GULP1: variants seen among roughly 807,000 people sequenced by gnomAD.
GULP1 encodes PTB domain-containing engulfment adapter protein 1.
In GULP1, 19 loss-of-function variants were observed where a neutral mutation model predicts 40.9. The ratio of observed to expected loss-of-function variants is 0.46; its 90% CI spans 0.32 to 0.68. The LOEUF (loss-of-function observed/expected upper bound fraction) is 0.68, where lower values mean the gene tolerates loss of function less well. Among genes scored for constraint, GULP1 ranks in the 30% least tolerant of loss-of-function variants. The pLI, the probability that GULP1 is intolerant of heterozygous loss-of-function variation, is 0.03. For missense variants in GULP1, 312 were observed against 362.2 expected (o/e 0.86, Z 1.12); for synonymous variants, 119 against 117.6 (o/e 1.01, Z -0.08).
chr2:188,334,341 G>A (rs1419313601), intron 1 of GULP1, among the ~76,000 whole-genome samples: 2 of 152,140 alleles, frequency 1.3e-5, no homozygotes, highest in Non-Finnish European at 2.9e-5. Flanking sequence ...TTTTACAAAG[G>A]AGGAAATGGA....
intron 2 of GULP1, among the ~76,000 whole-genome samples, chr2:188,441,939 G>A (rs13401321): frequency 0.022 from 3,425 of 152,272 alleles, 138 homozygotes; most frequent in African/African-American, 0.078. Context: ...TTGCGTTGAT[G>A]TGTTGACAGT....
chr2:188,413,701 A>G (rs1320663465), intron 2 of GULP1, among the ~76,000 whole-genome samples: 1 of 152,120 alleles, frequency 6.6e-6, no homozygotes, highest in East Asian at 1.9e-4. Flanking sequence ...CTTTCCTATC[A>G]TAATGTCAGC....
intron 2 of GULP1, among the ~76,000 whole-genome samples, chr2:188,407,655 G>A (rs2053304080): frequency 1.3e-5 from 2 of 151,886 alleles, no homozygotes; most frequent in South Asian, 2.1e-4. Flanking sequence ...GCACAAATAA[G>A]AAAAAGTAGG....
At chr2:188,338,543 A>G (rs982725995) in intron 1 of GULP1, among the ~76,000 whole-genome samples, 1 of 152,050 alleles carries the variant, frequency 6.6e-6, no homozygotes, top group African/African-American at 2.4e-5. Context: ...AGGCTCAAGC[A>G]ACCCTCCCAC....
At chr2:188,513,340 T>C (rs2064802527) in intron 4 of GULP1, among the ~76,000 whole-genome samples, 1 of 152,152 alleles carries the variant, frequency 6.6e-6, no homozygotes, top group Non-Finnish European at 1.5e-5. Context: ...ATATCATTCT[T>C]ATCTGTCCAT....
At chr2:188,353,573 G>A (rs1033677168) in intron 1 of GULP1, among the ~76,000 whole-genome samples, 3 of 151,946 alleles carry the variant, frequency 2.0e-5, no homozygotes, top group Non-Finnish European at 1.5e-5. Context: ...AGGTAGCACC[G>A]TACATCCCAG....
chr2:188,367,789 C>T (rs753357784), intron 1 of GULP1, among the ~76,000 whole-genome samples: 1 of 152,052 alleles, frequency 6.6e-6, no homozygotes. Flanking sequence ...TCATCACTGT[C>T]CTGCAACCTG....
chr2:188,574,708 A>T (rs1256132423), intron 9 of GULP1, among the ~76,000 whole-genome samples: 3 of 152,166 alleles, frequency 2.0e-5, no homozygotes, highest in Non-Finnish European at 4.4e-5. Context: ...AAAAAATGAC[A>T]AGCCATCTTC....
chr2:188,311,698 G>A (rs2038140516), intron 1 of GULP1, among the ~76,000 whole-genome samples: 2 of 127,204 alleles, frequency 1.6e-5, no homozygotes, highest in Non-Finnish European at 3.2e-5. Flanking sequence ...TTTATGATAA[G>A]CATTATAAAA....
At chr2:188,352,919 A>G (rs1345746167) in intron 1 of GULP1, among the ~76,000 whole-genome samples, 1 of 152,114 alleles carries the variant, frequency 6.6e-6, no homozygotes, top group Non-Finnish European at 1.5e-5. Flanking sequence ...TGAAGCACTT[A>G]AACATATTTA....
At chr2:188,503,030 C>T (rs1419901328) in intron 4 of GULP1, among the ~76,000 whole-genome samples, 1 of 151,868 alleles carries the variant, frequency 6.6e-6, no homozygotes, top group African/African-American at 2.4e-5. Flanking sequence ...AGTCATAAAT[C>T]CATGACCTAA....
intron 2 of GULP1, among the ~76,000 whole-genome samples, chr2:188,395,955 A>G (rs1371334422): frequency 2.0e-5 from 3 of 152,162 alleles, no homozygotes; most frequent in African/African-American, 7.2e-5. Flanking sequence ...AGTAGTAATG[A>G]ACTGGTCACA....
intron 2 of GULP1, among the ~76,000 whole-genome samples, chr2:188,445,864 A>G (rs1009534954): frequency 4.6e-5 from 7 of 152,192 alleles, no homozygotes; most frequent in African/African-American, 1.7e-4. Flanking sequence ...TGGTTGGGGA[A>G]AGGTAGTAAA....
intron 2 of GULP1, among the ~76,000 whole-genome samples, chr2:188,439,252 T>G (rs2057711109): frequency 6.6e-6 from 1 of 151,206 alleles, no homozygotes. Flanking sequence ...AAACATCAAT[T>G]TTACAAATGA....
At chr2:188,410,893 C>G (rs1474523589) in intron 2 of GULP1, among the ~76,000 whole-genome samples, 2 of 152,142 alleles carry the variant, frequency 1.3e-5, no homozygotes, top group African/African-American at 2.4e-5. Flanking sequence ...TGAAGGCAGC[C>G]TAATCCTTAC....
intron 4 of GULP1, among the ~76,000 whole-genome samples, chr2:188,508,308 A>AT (rs2064138552): frequency 6.6e-6 from 1 of 152,084 alleles, no homozygotes; most frequent in African/African-American, 2.4e-5. Flanking sequence ...AAAAACAGGG[A>AT]TTTAAAAAGT....
At chr2:188,435,712 T>C (rs1020622175) in intron 2 of GULP1, among the ~76,000 whole-genome samples, 1 of 152,046 alleles carries the variant, frequency 6.6e-6, no homozygotes, top group African/African-American at 2.4e-5. Context: ...GCTTCAGAGA[T>C]CCCTCAGGTT....
chr2:188,533,561 T>C (rs1688115559), intron 6 of GULP1, among the ~76,000 whole-genome samples: 1 of 152,160 alleles, frequency 6.6e-6, no homozygotes, highest in South Asian at 2.1e-4. Flanking sequence ...ATTCCGGACA[T>C]TGCCCTTGGG....
intron 1 of GULP1, among the ~76,000 whole-genome samples, chr2:188,374,960 G>C (rs892560945): frequency 1.3e-5 from 2 of 152,140 alleles, no homozygotes; most frequent in African/African-American, 2.4e-5. Flanking sequence ...ATAACATTTG[G>C]TATTAGAATA....
Sources: allele counts gnomAD v4.1 joint callset (sites outside exome capture counted in the v4.1 genomes callset), GRCh38; gene constraint gnomAD v4.1.1; transcripts MANE v1.5; gene names NCBI Gene and HGNC (gene_info 2026-07-23, HGNC 2026-07-21).